Variants in FEZ1 observed in about 807,000 individuals in gnomAD.
FEZ1 encodes fasciculation and elongation protein zeta-1.
In FEZ1, 20 loss-of-function variants were observed where a neutral mutation model predicts 49.3. The ratio of observed to expected loss-of-function variants is 0.41; its 90% confidence interval spans 0.29 to 0.59. FEZ1 has a LOEUF of 0.59. Ranked by LOEUF, FEZ1 falls within the 20% of genes least tolerant of loss-of-function variation. The pLI is 0.36. For synonymous variants in FEZ1, 170 were observed against 180.9 expected (o/e 0.94, Z 0.48); for missense variants, 413 against 476.0 (o/e 0.87, Z 1.23).
At position 125,480,880 on chromosome 11, in the gene FEZ1, A is replaced by C. The variant is rs1268763138; in HGVS notation, c.411+654T>G. Among the ~76,000 whole-genome samples the C allele has an allele frequency of 2.0e-5, 3 of 152,114 alleles. No individual in the cohort carries two copies. The East Asian group carries it at 5.8e-4, about 29-fold the overall frequency. ...CAGTGAAACCACATCTCTACTAAAA[A>C]TACAAAAAATTAGCCAGGCATAGTG... is the stretch of plus-strand genomic sequence containing the variant. On this transcript the variant is annotated intron_variant, in intron 3 of 9. Coordinates refer to ENST00000278919, the MANE Select transcript of FEZ1 (RefSeq NM_005103.5).
chr11:125,449,038 T>G (rs1376869055), intron 8 of FEZ1, among the ~76,000 whole-genome samples: 1 of 151,946 alleles, frequency 6.6e-6, no homozygotes, highest in African/African-American at 2.4e-5. Flanking sequence ...TACTGGTGAC[T>G]TTCTTTTCTT....
rs531807007 is a variant in FEZ1 at position 125,444,741 on chromosome 11, G to C, written c.*1354C>G. 4.0e-4 allele frequency among the ~76,000 whole-genome samples: 61 copies of C among 152,302 alleles called. No homozygotes were observed. Among genetic ancestry groups the C allele is most frequent in the South Asian group, 1.2e-3 (6 of 4,822 alleles). On this transcript the variant is annotated 3_prime_UTR_variant, in exon 10 of 10. Coordinates refer to ENST00000278919, the MANE Select transcript of FEZ1 (RefSeq NM_005103.5). ...TAGTTCAAGCAGACACTAAACTCCT[G>C]GGAATCAATGGAAGTCTCACTGGAT... is the stretch of plus-strand genomic sequence containing the variant.
At chr11:125,491,103 A>T (rs1159693040) in intron 1 of FEZ1, among the ~76,000 whole-genome samples, 1 of 152,104 alleles carries the variant, frequency 6.6e-6, no homozygotes, top group Non-Finnish European at 1.5e-5. Flanking sequence ...GGAGCAGAGG[A>T]ATAGACTAAA....
At chr11:125,483,721 G>A (rs1957304234) in intron 2 of FEZ1, among the ~76,000 whole-genome samples, 1 of 152,182 alleles carries the variant, frequency 6.6e-6, no homozygotes, top group Non-Finnish European at 1.5e-5. Flanking sequence ...TGCAGGAAGT[G>A]CCCACAGAAA....
At chr11:125,493,481 G>GAGA (rs1565307222) in intron 1 of FEZ1, among the ~76,000 whole-genome samples, 5 of 49,640 alleles carry the variant, frequency 1.0e-4, no homozygotes, top group Non-Finnish European at 2.0e-4. Flanking sequence ...AAGGAAAGAA[G>GAGA]GAAAGAAGGA....
At position 125,446,084 on chromosome 11, in the gene FEZ1, A is replaced by C; in HGVS notation, c.*11T>G. 6.2e-7 allele frequency: 1 copy of C among 1,613,956 alleles called. No individual in the cohort carries two copies. Among genetic ancestry groups the C allele is most frequent in the South Asian group, 1.1e-5 (1 of 91,086 alleles). On this transcript the variant is annotated 3_prime_UTR_variant, in exon 10 of 10. Coordinates refer to ENST00000278919, the MANE Select transcript of FEZ1 (RefSeq NM_005103.5). Reference sequence around the variant, plus strand: ...TGACCTCCTGCAGCGAGGCTGCTCCAAAGGGCAAGGTTAGGTAGGGCAGAG... The same window carrying C: ...TGACCTCCTGCAGCGAGGCTGCTCCCAAGGGCAAGGTTAGGTAGGGCAGAG...
chr11:125,480,171 T>C (rs908414246), intron 3 of FEZ1, among the ~76,000 whole-genome samples: 7 of 151,890 alleles, frequency 4.6e-5, no homozygotes, highest in African/African-American at 1.7e-4. Flanking sequence ...AGCTCAGGAG[T>C]TTGAAACCAG....
intron 7 of FEZ1, chr11:125,452,682 T>C (rs1006834397): frequency 5.0e-6 from 2 of 398,574 alleles, no homozygotes; most frequent in Admixed American, 4.2e-5. Flanking sequence ...GAGCTTTTTC[T>C]CCTTTAGACT....
In FEZ1 at chr11:125,487,021, A is replaced by G. The variant is rs73628445; in HGVS notation, c.311+2446T>C. ...TACCTTATCTCGAAGGAATTATTCA[A>G]TCTTTGGTCTCTTAACTGAGGCAGT... On this transcript the variant is annotated intron_variant, in intron 2 of 9. Transcript: ENST00000278919. Among the ~76,000 whole-genome samples the G allele has an allele frequency of 5.0e-3, 760 of 152,298 alleles. 8 individuals carry two copies. The highest frequency in any genetic ancestry group is 0.017 in the African/African-American group (709 of 41,556).
intron 2 of FEZ1, 69 bp from the exon 3 acceptor site, chr11:125,481,702 T>G: frequency 2.7e-6 from 3 of 1,094,028 alleles, no homozygotes; most frequent in Non-Finnish European, 2.8e-6. Flanking sequence ...AAGGAAGAGC[T>G]GGGCCGGGAG....
At chr11:125,457,824 G>C (rs1957034857) in intron 5 of FEZ1, among the ~76,000 whole-genome samples, 1 of 151,958 alleles carries the variant, frequency 6.6e-6, no homozygotes, top group Non-Finnish European at 1.5e-5. Context: ...GCGTCTAATG[G>C]TGTCCTTCAC....
In FEZ1 at chr11:125,489,862, C is replaced by G; in HGVS notation, c.-45-40G>C. 1 of 1,471,292 alleles carries G rather than the reference C, an allele frequency of 6.8e-7. No homozygotes were observed. Among genetic ancestry groups the G allele is most frequent in the Non-Finnish European group, 9.0e-7 (1 of 1,110,052 alleles). The allele number at this position is 1,471,292 out of a possible 1,614,324, so 91.1% of individuals were successfully genotyped here. On this transcript the variant is annotated intron_variant, in intron 1 of 9. Transcript: ENST00000278919. This position sits in a 1 kb window ranked among gnomAD's most constrained non-coding sequence, Gnocchi z 4.2. ...CAGCGTAATGTGAGTTTAGACCAGG[C>G]TAATCTAAATAATAGAGTTAACTTT...
intron 3 of FEZ1, among the ~76,000 whole-genome samples, chr11:125,480,810 C>A (rs962813775): frequency 6.6e-6 from 1 of 152,040 alleles, no homozygotes. Context: ...AAGGCCAAGG[C>A]GGGCGGATCA....
At chr11:125,486,466 T>C (rs1171742075) in intron 2 of FEZ1, among the ~76,000 whole-genome samples, 7 of 152,216 alleles carry the variant, frequency 4.6e-5, no homozygotes, top group Non-Finnish European at 1.5e-5. Flanking sequence ...AATCTGACTC[T>C]CCTTTAATGC....
intron 8 of FEZ1, among the ~76,000 whole-genome samples, chr11:125,450,399 T>A (rs1956943333): frequency 6.6e-6 from 1 of 152,260 alleles, no homozygotes; most frequent in Non-Finnish European, 1.5e-5. Context: ...ACTTTGCAAC[T>A]GAGCATAAGC....
intron 5 of FEZ1, 139 bp downstream of exon 5, chr11:125,460,359 T>G (rs763365537): frequency 9.5e-6 from 6 of 634,874 alleles, no homozygotes; most frequent in Non-Finnish European, 1.5e-5. Context: ...GTAAGAAAGG[T>G]ATTGCTGACC....
At chr11:125,483,696 C>T (rs1957304031) in intron 2 of FEZ1, among the ~76,000 whole-genome samples, 1 of 152,224 alleles carries the variant, frequency 6.6e-6, no homozygotes, top group African/African-American at 2.4e-5. Context: ...AGGCACTGAC[C>T]TTCAGATTTG....
chr11:125,493,669 C>CT (rs1015254132), intron 1 of FEZ1, among the ~76,000 whole-genome samples: 2 of 152,276 alleles, frequency 1.3e-5, no homozygotes, highest in African/African-American at 4.8e-5. Context: ...ATTTTAGCAT[C>CT]TTTTTTACTA....
At chr11:125,455,799 G>A in intron 6 of FEZ1, 36 bp downstream of exon 6, 1 of 1,611,688 alleles carries the variant, frequency 6.2e-7, no homozygotes, top group African/African-American at 1.3e-5. Flanking sequence ...GTTGGAGGTT[G>A]GAGGCACCCA....
Sources: gnomAD v4.1 joint callset for allele counts (sites outside exome capture counted in the v4.1 genomes callset) on GRCh38, gnomAD v4.1.1 for gene constraint, Gnocchi (gnomAD v3.1) non-coding constraint, MANE v1.5 for transcripts, NCBI Gene and HGNC (gene_info 2026-07-23, HGNC 2026-07-21) for gene names.